The following KRT222 variants were observed in gnomAD, a reference collection of about 807,000 sequenced individuals.
The protein encoded by KRT222 is keratin 222.
In KRT222, 23 loss-of-function variants were observed where a neutral mutation model predicts 35.0. The observed-to-expected ratio is 0.66, with a 90% CI of 0.47 to 0.93. The LOEUF is 0.93. Among genes scored for constraint, KRT222 ranks in the 40% least tolerant of loss-of-function variants. The pLI is 0.00. For missense variants in KRT222, 339 were observed against 346.3 expected, an observed-to-expected ratio of 0.98 and a Z score of 0.17; for synonymous variants, 108 against 118.8, an observed-to-expected ratio of 0.91 and a Z score of 0.59.
chr17:40,662,646 A>G (rs1359750196), intron 1 of KRT222, among the ~76,000 whole-genome samples: 2 of 152,270 alleles, frequency 1.3e-5, no homozygotes, highest in African/African-American at 4.8e-5. Context: ...TAAAAGGCAT[A>G]TTAATTTTGG....
At position 40,657,384 on chromosome 17, in the gene KRT222, A is replaced by T; in HGVS notation, c.627T>A (p.Val209=). The change falls in exon 5 of 6, where the codon GTT becomes GTA. Residue 209 remains valine, a synonymous_variant. Transcript: ENST00000394052. Reference sequence around the variant, plus strand: ...TGCCATGAGCTTCAGTGCTCTCCTTAACGATACTCCCATTTAAGATTGCCT... The same window carrying T: ...TGCCATGAGCTTCAGTGCTCTCCTTTACGATACTCCCATTTAAGATTGCCT... ...TKQAILNGSI[V]KESTEAHGTI... 1 of 1,609,812 alleles carries T rather than the reference A, an allele frequency of 6.2e-7. No homozygotes were observed. Among genetic ancestry groups the T allele is most frequent in the Non-Finnish European group, 8.5e-7 (1 of 1,178,316 alleles).
chr17:40,655,492 A>G lies in KRT222; in HGVS notation c.*910T>C, dbSNP rs1414651463. On this transcript the variant is annotated 3_prime_UTR_variant, in exon 6 of 6. Coordinates refer to ENST00000394052, the MANE Select transcript of KRT222 (RefSeq NM_152349.3). ...GCAAGAAATATTTATAATACTTCATATAGTATCTTATCTACGGCTTATAGC... is the reference window on the plus strand; with the variant it reads ...GCAAGAAATATTTATAATACTTCATGTAGTATCTTATCTACGGCTTATAGC... 6.6e-6 allele frequency: 1 copy of G among 152,156 alleles called. No individual in the cohort carries two copies. The highest frequency in any genetic ancestry group is 1.5e-5 in the Non-Finnish European group (1 of 67,988). 9.4% of individuals were successfully genotyped at this position (152,156 alleles called of 1,614,324 possible).
chr17:40,658,138 CTTT>C (rs74268058), intron 3 of KRT222, among the ~76,000 whole-genome samples: 1 of 138,588 alleles, frequency 7.2e-6, no homozygotes, highest in Non-Finnish European at 1.6e-5. Flanking sequence ...ACATTTTACT[CTTT>C]TTTTTTTTTT....
At position 40,665,173 on chromosome 17, in the gene KRT222, T is replaced by G; in HGVS notation, c.-74A>C. On this transcript the variant is annotated 5_prime_UTR_variant, in exon 1 of 6. Transcript: ENST00000394052. ...AGTCGCTGCGGCAGTCTGCTCGGTC[T>G]GCGCGGAAGGCAGGGAGCCTCGCAG... 1.4e-6 allele frequency: 2 copies of G among 1,400,564 alleles called. No individual in the cohort carries two copies. The highest frequency in any genetic ancestry group is 2.0e-6 in the Non-Finnish European group (2 of 991,724). 86.8% of individuals were successfully genotyped at this position (1,400,564 alleles called of 1,614,324 possible). A position where few individuals can be genotyped will look rare whatever the true frequency, so the allele number is the denominator to read the frequency against.
chr17:40,657,296 GT>G (rs1406792766), intron 5 of KRT222, 55 bp downstream of exon 5: 1 of 1,244,032 alleles, frequency 8.0e-7, no homozygotes, highest in African/African-American at 1.5e-5. Flanking sequence ...ATTACGCAAA[GT>G]TAATTTCTTT....
chr17:40,657,624 G>C, intron 4 of KRT222, 50 bp downstream of exon 4: 9 of 1,528,760 alleles, frequency 5.9e-6, no homozygotes, highest in Non-Finnish European at 8.1e-6. Flanking sequence ...AGTAATCCCT[G>C]TAAATAGTAC....
At chr17:40,663,416 C>A (rs1175760012) in intron 1 of KRT222, among the ~76,000 whole-genome samples, 2 of 152,124 alleles carry the variant, frequency 1.3e-5, no homozygotes, top group Non-Finnish European at 2.9e-5. Context: ...GAGCCTTGGG[C>A]CAATATGCAA....
chr17:40,656,620 CT>C lies in KRT222; in HGVS notation c.669del (p.Val224TrpfsTer19). ...TCCCATTCTTTAATAACTTCATCCACTTTCTCTGTCCTGAAATGATAAAATA... is the reference window on the plus strand; with the variant it reads ...TCCCATTCTTTAATAACTTCATCCACTTCTCTGTCCTGAAATGATAAAATA... ...TEAHGTIQTE[K>X]VDEVIKEWEG... is the part of the protein sequence containing the mutation. On this transcript the variant is annotated frameshift_variant, in exon 6 of 6. Coordinates refer to ENST00000394052, the MANE Select transcript of KRT222 (RefSeq NM_152349.3). LOFTEE classifies it high-confidence loss of function. 5 of 1,588,916 alleles carry C rather than the reference CT, an allele frequency of 3.1e-6. No individual in the cohort carries two copies. Among genetic ancestry groups the C allele is most frequent in the Non-Finnish European group, 4.3e-6 (5 of 1,157,304 alleles).
At position 40,661,970 on chromosome 17, in the gene KRT222, C is replaced by T. The variant is rs1341929862; in HGVS notation, c.171G>A (p.Glu57=). ...ALKAAQAELK[E]ARRQWHHLQV... is the part of the protein sequence containing the mutation. ...GCAGGTGGTGCCACTGGCGTCGGGC[C>T]TCCTTGAGTTCTGCTTGAGCTGCCT... Residue 57 remains glutamate (E), a synonymous_variant, in exon 2 of 6, where the codon GAG becomes GAA. Coordinates refer to ENST00000394052, the MANE Select transcript of KRT222 (RefSeq NM_152349.3). 3 of 1,614,200 alleles carry T rather than the reference C, an allele frequency of 1.9e-6. No individual in the cohort carries two copies. The highest frequency in any genetic ancestry group is 1.7e-6 in the Non-Finnish European group (2 of 1,180,042).
chr17:40,663,325 A>G (rs1056624604), intron 1 of KRT222, among the ~76,000 whole-genome samples: 1 of 152,202 alleles, frequency 6.6e-6, no homozygotes, highest in Admixed American at 6.5e-5. Flanking sequence ...TTTAACCAGT[A>G]GAATGAGGCA....
At chr17:40,657,508 A>G in intron 4 of KRT222, 21 bp from the exon 5 acceptor site, 9 of 1,553,642 alleles carry the variant, frequency 5.8e-6, no homozygotes, top group Non-Finnish European at 7.9e-6. Flanking sequence ...ATCATTTATG[A>G]TATATTAAAT....
At chr17:40,664,925 A>T in intron 1 of KRT222, 79 bp downstream of exon 1, 2 of 1,604,894 alleles carry the variant, frequency 1.2e-6, no homozygotes, top group Non-Finnish European at 1.7e-6. Context: ...ACTGTACCTC[A>T]GAGAGGCCGG....
At position 40,665,104 on chromosome 17, in the gene KRT222, T is replaced by C. The variant is rs1257129849; in HGVS notation, c.-5A>G. The C allele has an allele frequency of 1.2e-6, 2 of 1,613,512 alleles. No homozygotes were observed. The highest frequency in any genetic ancestry group is 4.5e-5 in the East Asian group (2 of 44,876). ...GAGTAGCTGGGACAGTTCCATTCTT[T>C]TCCCATCCTCCACCTTGGCTAACTG... On this transcript the variant is annotated 5_prime_UTR_variant, in exon 1 of 6. Coordinates refer to ENST00000394052, the MANE Select transcript of KRT222 (RefSeq NM_152349.3).
intron 3 of KRT222, among the ~76,000 whole-genome samples, chr17:40,659,753 T>C (rs1399236700): frequency 6.6e-6 from 1 of 152,210 alleles, no homozygotes; most frequent in Non-Finnish European, 1.5e-5. Flanking sequence ...TGTAGTAATC[T>C]AGAATTGTTT....
chr17:40,659,427 A>C (rs2037367856), intron 3 of KRT222, among the ~76,000 whole-genome samples: 1 of 152,084 alleles, frequency 6.6e-6, no homozygotes, highest in South Asian at 2.1e-4. Context: ...CGCCCACCTC[A>C]GCCTCCCGAA....
At chr17:40,662,188 G>T (rs1471930207) in intron 1 of KRT222, 144 bp from the exon 2 acceptor site, 28 of 932,484 alleles carry the variant, frequency 3.0e-5, no homozygotes, top group Non-Finnish European at 3.9e-5. Flanking sequence ...GTGTGTCCTA[G>T]TGCCTAGTTA....
At chr17:40,657,512 A>T in intron 4 of KRT222, 25 bp from the exon 5 acceptor site, 2 of 1,537,566 alleles carry the variant, frequency 1.3e-6, no homozygotes, top group Non-Finnish European at 1.8e-6. Flanking sequence ...TTTATGATAT[A>T]TTAAATTACA....
chr17:40,658,240 A>G lies in KRT222; in HGVS notation c.447-490T>C, dbSNP rs188785689. Among the ~76,000 whole-genome samples the G allele has an allele frequency of 6.6e-5, 10 of 151,798 alleles. No homozygotes were observed. The East Asian group carries it at 1.7e-3, about 26-fold the overall frequency. On this transcript the variant is annotated intron_variant, in intron 3 of 5. Coordinates refer to ENST00000394052, the MANE Select transcript of KRT222 (RefSeq NM_152349.3). The stretch of plus-strand genomic sequence containing the variant: ...AAATTTTCTTGTATATCTCAAGTGT[A>G]GCCTAATTTTTTTAAAGTTTTACTA...
chr17:40,660,273 A>G (rs1333837831), intron 2 of KRT222, 66 bp from the exon 3 acceptor site: 2 of 1,359,138 alleles, frequency 1.5e-6, no homozygotes, highest in African/African-American at 3.0e-5. Flanking sequence ...TCTGATTTGC[A>G]ATATCTTCAT....
Sources: gnomAD v4.1 joint callset for allele counts (sites outside exome capture counted in the v4.1 genomes callset) on GRCh38, gnomAD v4.1.1 for gene constraint, MANE v1.5 for transcripts, NCBI Gene and HGNC (gene_info 2026-07-23, HGNC 2026-07-21) for gene names.